C7: variants seen among roughly 807,000 people sequenced by gnomAD.
The protein encoded by C7 is complement component C7.
C7 carries 83 observed loss-of-function variants against 104.8 expected under a neutral mutation model. That is an observed-to-expected ratio of 0.79 (90% CI 0.66 to 0.95). The LOEUF is 0.95. C7 is among the 40% of genes least tolerant of loss of function. The pLI, the probability that C7 is intolerant of heterozygous loss-of-function variation, is 0.00. For synonymous variants in C7, 415 were observed against 360.6 expected, an observed-to-expected ratio of 1.15 and a Z score of -1.71; for missense variants, 1,070 against 1,011.2, an observed-to-expected ratio of 1.06 and a Z score of -0.79.
At chr5:40,932,688 C>G (rs1215608497) in intron 3 of C7, among the ~76,000 whole-genome samples, 1 of 151,894 alleles carries the variant, frequency 6.6e-6, no homozygotes, top group African/African-American at 2.4e-5. Flanking sequence ...GAATAACAAG[C>G]AAAGGTCAAA....
intron 1 of C7, among the ~76,000 whole-genome samples, chr5:40,915,158 A>C (rs1030573047): frequency 6.6e-6 from 1 of 152,204 alleles, no homozygotes; most frequent in East Asian, 1.9e-4. Context: ...GAACCACAAA[A>C]ACACTGGGAG....
chr5:40,936,089 T>A (rs1465529128), intron 4 of C7, among the ~76,000 whole-genome samples: 5 of 152,156 alleles, frequency 3.3e-5, no homozygotes, highest in African/African-American at 1.2e-4. Context: ...ATGGGTGAGA[T>A]CCTGAAATTC....
intron 3 of C7, among the ~76,000 whole-genome samples, chr5:40,931,970 G>A (rs1282925608): frequency 6.6e-6 from 1 of 152,134 alleles, no homozygotes; most frequent in Non-Finnish European, 1.5e-5. Context: ...ATCTTGGCCA[G>A]GATGGTCTCG....
chr5:40,918,635 G>T (rs534021574), intron 1 of C7, among the ~76,000 whole-genome samples: 10 of 151,256 alleles, frequency 6.6e-5, no homozygotes, highest in Non-Finnish European at 1.3e-4. Flanking sequence ...CCAAAAGAAA[G>T]CAGGGATAAC....
chr5:40,963,290 G>A (rs1740460257), intron 13 of C7, among the ~76,000 whole-genome samples: 1 of 152,112 alleles, frequency 6.6e-6, no homozygotes. Context: ...TGATAGTTTG[G>A]GAGTACAGCC....
intron 9 of C7, among the ~76,000 whole-genome samples, chr5:40,952,332 AT>A: frequency 6.6e-6 from 1 of 152,204 alleles, no homozygotes. Flanking sequence ...AATGCATAAA[AT>A]TTGGCTTAAC....
intron 2 of C7, among the ~76,000 whole-genome samples, 159 bp downstream of exon 2, chr5:40,928,794 T>C (rs1205153855): frequency 1.3e-5 from 2 of 152,210 alleles, no homozygotes; most frequent in Admixed American, 1.3e-4. Context: ...CAAAAGCATG[T>C]GTTTTTAATT....
At position 40,945,351 on chromosome 5, in the gene C7, G is replaced by T; in HGVS notation, c.721G>T (p.Glu241Ter). Residue 241 changes from glutamate (E) to a stop codon, truncating the protein, a stop_gained, in exon 7 of 18, where the codon GAA (glutamate) becomes TAA (stop). Coordinates refer to ENST00000313164, the MANE Select transcript of C7 (RefSeq NM_000587.4). LOFTEE classifies it high-confidence loss of function. ...ACGCAGTTATACTTCACATACCAAT[G>T]AAATCCATAAAGGAAAGGTTAGTAT... ...SSRSYTSHTN[E>*]IHKGKSYQLL... 1.9e-6 allele frequency: 3 copies of T among 1,590,128 alleles called. No homozygotes were observed. Among genetic ancestry groups the T allele is most frequent in the Non-Finnish European group, 2.6e-6 (3 of 1,172,868 alleles).
chr5:40,924,546 G>A (rs1332435763), intron 1 of C7, among the ~76,000 whole-genome samples: 1 of 152,218 alleles, frequency 6.6e-6, no homozygotes, highest in Non-Finnish European at 1.5e-5. Flanking sequence ...ACTGTGTGGG[G>A]GGGTTCCAAC....
intron 8 of C7, among the ~76,000 whole-genome samples, chr5:40,949,252 T>C (rs1740113978): frequency 6.6e-6 from 1 of 151,892 alleles, no homozygotes; most frequent in Non-Finnish European, 1.5e-5. Flanking sequence ...ATGCCCCAAA[T>C]AATTGTTCTT....
intron 10 of C7, among the ~76,000 whole-genome samples, chr5:40,956,721 G>T (rs867860955): frequency 6.6e-6 from 1 of 152,204 alleles, no homozygotes; most frequent in Non-Finnish European, 1.5e-5. Flanking sequence ...CTCAAAAATT[G>T]CAATAGGTCC....
At chr5:40,979,664 C>G in intron 16 of C7, 61 bp from the exon 17 acceptor site, 1 of 1,397,490 alleles carries the variant, frequency 7.2e-7, no homozygotes. Flanking sequence ...CTTTTCATTT[C>G]TCCTTCTCAG....
At chr5:40,969,495 A>T (rs1740643381) in intron 14 of C7, among the ~76,000 whole-genome samples, 1 of 152,200 alleles carries the variant, frequency 6.6e-6, no homozygotes, top group Non-Finnish European at 1.5e-5. Context: ...ATGAAAATTT[A>T]AAAATTGGAT....
chr5:40,945,251 T>C lies in C7; in HGVS notation c.621T>C (p.Tyr207=), dbSNP rs1740020873. 5.1e-6 allele frequency: 8 copies of C among 1,568,760 alleles called. No homozygotes were observed. Among genetic ancestry groups the C allele is most frequent in the African/African-American group, 4.1e-5 (3 of 73,404 alleles). Reference sequence around the variant, plus strand: ...AATTTTACAATAGTACTTGGTCTTATGTAAAACATACGTCGACAGAACACA... The same window carrying C: ...AATTTTACAATAGTACTTGGTCTTACGTAAAACATACGTCGACAGAACACA... ...NYEFYNSTWS[Y]VKHTSTEHTS... Residue 207 remains tyrosine, a synonymous_variant, in exon 7 of 18, where the codon TAT becomes TAC. Coordinates refer to ENST00000313164, the MANE Select transcript of C7 (RefSeq NM_000587.4).
chr5:40,952,651 C>T (rs1182704956), intron 9 of C7, among the ~76,000 whole-genome samples: 3 of 152,066 alleles, frequency 2.0e-5, no homozygotes, highest in Non-Finnish European at 4.4e-5. Flanking sequence ...CCCCTCTCCC[C>T]ACCCCACTAC....
chr5:40,935,927 C>A (rs756919249), intron 4 of C7, among the ~76,000 whole-genome samples: 2 of 151,944 alleles, frequency 1.3e-5, no homozygotes, highest in South Asian at 4.2e-4. Flanking sequence ...TAAAATTGTC[C>A]GGCTCTTAAA....
At chr5:40,921,981 T>G (rs1407116941) in intron 1 of C7, among the ~76,000 whole-genome samples, 4 of 152,068 alleles carry the variant, frequency 2.6e-5, no homozygotes, top group South Asian at 2.1e-4. Flanking sequence ...GAAGTTGCAG[T>G]GAGCTAAGAA....
chr5:40,920,226 G>T (rs1054234533), intron 1 of C7, among the ~76,000 whole-genome samples: 3 of 149,118 alleles, frequency 2.0e-5, no homozygotes, highest in Non-Finnish European at 4.5e-5. Flanking sequence ...GTCCTGTAAA[G>T]TGTTTCTGTA....
rs1741006925 is a variant in C7, at chr5:40,983,918, T to A, written c.*2345T>A. 6.6e-6 allele frequency among the ~76,000 whole-genome samples: 1 copy of A among 152,114 alleles called. No individual in the cohort carries two copies. The highest frequency in any genetic ancestry group is 2.4e-5 in the African/African-American group (1 of 41,424). ...GGAGGCAGAGGGCAGAAAGCATTGC[T>A]GAGATTAGAGTCATTTGGCCCTCAG... is the stretch of plus-strand genomic sequence containing the variant. On this transcript the variant is annotated 3_prime_UTR_variant, in exon 18 of 18. Coordinates refer to ENST00000313164, the MANE Select transcript of C7 (RefSeq NM_000587.4).
Sources: allele counts gnomAD v4.1 joint callset (sites outside exome capture counted in the v4.1 genomes callset), GRCh38; gene constraint gnomAD v4.1.1; transcripts MANE v1.5; gene names NCBI Gene and HGNC (gene_info 2026-07-23, HGNC 2026-07-21).